MAP3K13: variants seen among roughly 807,000 people sequenced by gnomAD.
MAP3K13 encodes the protein mitogen-activated protein kinase kinase kinase 13.
In MAP3K13, 52 loss-of-function variants were observed where a neutral mutation model predicts 104.0. That is an observed-to-expected ratio of 0.50 (90% CI 0.40 to 0.63). The LOEUF (loss-of-function observed/expected upper bound fraction) is 0.63. Ranked by LOEUF, MAP3K13 falls within the 20% of genes least tolerant of loss-of-function variation. The pLI is 0.00. For missense variants in MAP3K13, 914 were observed against 1,218.5 expected, an observed-to-expected ratio of 0.75 and a Z score of 3.72; for synonymous variants, 394 against 442.2, an observed-to-expected ratio of 0.89 and a Z score of 1.37.
chr3:185,434,927 A>C (rs749576271), intron 2 of MAP3K13, among the ~76,000 whole-genome samples: 4 of 152,096 alleles, frequency 2.6e-5, no homozygotes, highest in Non-Finnish European at 5.9e-5. Context: ...GTCCAGTAAT[A>C]ATACTTTATT....
At chr3:185,467,700 T>C (rs1246861073) in intron 10 of MAP3K13, among the ~76,000 whole-genome samples, 2 of 151,504 alleles carry the variant, frequency 1.3e-5, no homozygotes, top group East Asian at 1.9e-4. Flanking sequence ...GGAGAATCAC[T>C]TGAACCAGGG....
intron 2 of MAP3K13, chr3:185,292,281 G>C (rs960282853): frequency 1.3e-5 from 2 of 152,470 alleles, no homozygotes; most frequent in South Asian, 4.2e-4. Flanking sequence ...TTCCAGCCTG[G>C]GTGACAGAGC....
intron 1 of MAP3K13, among the ~76,000 whole-genome samples, chr3:185,395,878 A>G (rs528192944): frequency 1.4e-3 from 215 of 151,660 alleles, no homozygotes; most frequent in Non-Finnish European, 2.6e-3. Flanking sequence ...GGGTTTCGCC[A>G]TGTTGCCCAG....
intron 2 of MAP3K13, among the ~76,000 whole-genome samples, chr3:185,355,210 G>T (rs1723301308): frequency 6.6e-6 from 1 of 152,174 alleles, no homozygotes. Context: ...GGTGGTTCAT[G>T]CCTGTAATCC....
At chr3:185,439,438 C>G (rs1180646346) in intron 3 of MAP3K13, among the ~76,000 whole-genome samples, 1 of 151,888 alleles carries the variant, frequency 6.6e-6, no homozygotes, top group African/African-American at 2.4e-5. Context: ...CAAACAGAGA[C>G]CCTCTTCTTT....
chr3:185,361,361 G>A (rs1723614355), upstream of MAP3K13, among the ~76,000 whole-genome samples: 3 of 149,848 alleles, frequency 2.0e-5, no homozygotes, highest in South Asian at 6.3e-4. Context: ...AAATAGAGAT[G>A]TATATTCTTC....
At chr3:185,389,559 T>TA (rs918127719) in intron 1 of MAP3K13, among the ~76,000 whole-genome samples, 3 of 151,690 alleles carry the variant, frequency 2.0e-5, no homozygotes, top group African/African-American at 7.3e-5. Flanking sequence ...AATTTTTTTT[T>TA]AAAAAAAGAT....
intron 1 of MAP3K13, among the ~76,000 whole-genome samples, chr3:185,407,915 C>T (rs6764927): frequency 0.66 from 85,594 of 129,754 alleles, 27,546 homozygotes; most frequent in Non-Finnish European, 0.7. Context: ...CTTGCTTTGT[C>T]ACCAAGGCTG....
chr3:185,456,371 T>A (rs1479936213), intron 7 of MAP3K13, among the ~76,000 whole-genome samples: 4 of 152,164 alleles, frequency 2.6e-5, no homozygotes, highest in African/African-American at 9.7e-5. Flanking sequence ...GTTGACTTCA[T>A]GGCATTTCCT....
intron 2 of MAP3K13, among the ~76,000 whole-genome samples, chr3:185,293,514 A>C (rs1019280380): frequency 1.3e-5 from 2 of 149,588 alleles, no homozygotes; most frequent in African/African-American, 5.0e-5. Context: ...GCCTTGACCC[A>C]CCAGGCTCAA....
rs1472687513 is a variant in MAP3K13, at chr3:185,488,206, G to C, written c.*5750G>C. The C allele has an allele frequency of 6.6e-6, 1 of 152,152 alleles. No homozygotes were observed. Among genetic ancestry groups the C allele is most frequent in the Non-Finnish European group, 1.5e-5 (1 of 68,034 alleles). The allele number at this position is 152,152 out of a possible 1,614,324, so 9.4% of individuals were successfully genotyped here. On this transcript the variant is annotated 3_prime_UTR_variant, in exon 14 of 14. Coordinates refer to ENST00000265026, the MANE Select transcript of MAP3K13 (RefSeq NM_004721.5). ...CAAAACAATGTGACATTCTTTTCGA[G>C]ACTTTGACTTGTACGGTCAGTATGA... is the stretch of plus-strand genomic sequence containing the variant.
chr3:185,437,521 T>C lies in MAP3K13; in HGVS notation c.550T>C (p.Leu184=). ...TAGTGGAGCCCAAGGAGCGGTCTTCTTGGGCAAGTTCCGGGCGGAAGAGGT... is the reference window on the plus strand; with the variant it reads ...TAGTGGAGCCCAAGGAGCGGTCTTCCTGGGCAAGTTCCGGGCGGAAGAGGT... ...LGSGAQGAVF[L]GKFRAEEVAI... is the part of the protein sequence containing the mutation. Residue 184 remains leucine, a synonymous_variant, in exon 3 of 14, where the codon TTG becomes CTG. Coordinates refer to ENST00000265026, the MANE Select transcript of MAP3K13 (RefSeq NM_004721.5). 1 of 1,614,044 alleles carries C rather than the reference T, an allele frequency of 6.2e-7. No homozygotes were observed. Among genetic ancestry groups the C allele is most frequent in the African/African-American group, 1.3e-5 (1 of 74,996 alleles).
At chr3:185,447,494 CAAAAAAAAAA>C (rs1178155454) in intron 4 of MAP3K13, among the ~76,000 whole-genome samples, 807 of 28,410 alleles carry the variant, frequency 0.028, 16 homozygotes, top group South Asian at 0.087. Context: ...AACTCTGTCT[CAAAAAAAAAA>C]AAAAAAAAAA....
Position 185,418,095 on chromosome 3 carries a change from A to T in MAP3K13, c.-85-10402A>T. 6.2e-7 allele frequency: 1 copy of T among 1,611,576 alleles called. No homozygotes were observed. The highest frequency in any genetic ancestry group is 2.2e-5 in the East Asian group (1 of 44,878). On this transcript the variant is annotated intron_variant, in intron 1 of 13. Transcript: ENST00000265026. This position sits in a 1 kb window ranked among gnomAD's most constrained non-coding sequence, Gnocchi z 4.5. ...TGTTCAGCTTGCTTACATTAAGCAG[A>T]GTAATTCCAGGGATGTTTCTGAAGG...
At chr3:185,438,842 A>T (rs909655894) in intron 3 of MAP3K13, among the ~76,000 whole-genome samples, 1 of 152,188 alleles carries the variant, frequency 6.6e-6, no homozygotes, top group African/African-American at 2.4e-5. Flanking sequence ...TTTAGGTAGG[A>T]TGAAAGTTTA....
intron 2 of MAP3K13, chr3:185,292,361 G>A (rs919703158): frequency 6.6e-6 from 1 of 152,170 alleles, no homozygotes; most frequent in African/African-American, 2.4e-5. Flanking sequence ...CGGTAAAAAT[G>A]TTTTGGGTTA....
intron 2 of MAP3K13, among the ~76,000 whole-genome samples, chr3:185,294,277 G>A (rs533763244): frequency 2.0e-4 from 30 of 152,292 alleles, no homozygotes; most frequent in African/African-American, 5.8e-4. Flanking sequence ...TTTGATGATA[G>A]CATTGGTTAG....
chr3:185,402,233 A>G (rs1184278665), intron 1 of MAP3K13, among the ~76,000 whole-genome samples: 1 of 152,226 alleles, frequency 6.6e-6, no homozygotes, highest in East Asian at 1.9e-4. Context: ...CATTCTGGGT[A>G]TATCAATGAA....
chr3:185,292,014 G>A (rs1409853676), intron 2 of MAP3K13: 1 of 1,002,854 alleles, frequency 1.0e-6, no homozygotes, highest in African/African-American at 1.7e-5. Flanking sequence ...ATAAAAAGTT[G>A]AGTTAACAGG....
Sources: gnomAD v4.1 joint callset for allele counts (sites outside exome capture counted in the v4.1 genomes callset) on GRCh38, gnomAD v4.1.1 for gene constraint, Gnocchi (gnomAD v3.1) non-coding constraint, MANE v1.5 for transcripts, NCBI Gene and HGNC (gene_info 2026-07-23, HGNC 2026-07-21) for gene names.